GRIP1: variants seen among roughly 807,000 people sequenced by gnomAD.
GRIP1 encodes the protein glutamate receptor interacting protein 1, also known as glutamate receptor-interacting protein 1.
Under a neutral mutation model 129.9 loss-of-function variants are expected in GRIP1, and 45 were observed. The observed-to-expected ratio is 0.35, with a 90% CI of 0.27 to 0.44. The LOEUF (loss-of-function observed/expected upper bound fraction) is 0.44. Ranked by LOEUF, GRIP1 falls within the 20% of genes least tolerant of loss-of-function variation. The pLI is 1.00. For missense variants in GRIP1, 1,196 were observed against 1,396.8 expected, an observed-to-expected ratio of 0.86 and a Z score of 2.29; for synonymous variants, 530 against 520.8, an observed-to-expected ratio of 1.02 and a Z score of -0.24.
intron 23 of GRIP1, among the ~76,000 whole-genome samples, chr12:66,362,819 C>G (rs1419944249): frequency 6.6e-6 from 1 of 151,738 alleles, no homozygotes; most frequent in Non-Finnish European, 1.5e-5. Flanking sequence ...CACTAGCGAG[C>G]CTGCCGCAGA....
chr12:66,398,602 C>A (rs1425386291), intron 16 of GRIP1, among the ~76,000 whole-genome samples: 1 of 151,954 alleles, frequency 6.6e-6, no homozygotes, highest in Admixed American at 6.5e-5. Context: ...CTATGAGACC[C>A]ACAGCTTCTG....
In GRIP1 at chr12:66,517,941, C is replaced by A; in HGVS notation, c.538G>T (p.Val180Phe). ...CCAGGACGAACACATGTTATCACAA[C>A]TGGACGAGATTTATTTCTATCATCA... ...AHDDRNKSRP[V>F]VITCVRPGGP... is the part of the protein sequence containing the mutation. Residue 180 changes from valine to phenylalanine, a missense_variant, in exon 6 of 25, where the codon GTT (valine) becomes TTT (phenylalanine). Transcript: ENST00000359742. The A allele has an allele frequency of 6.3e-7, 1 of 1,599,748 alleles. No homozygotes were observed. The highest frequency in any genetic ancestry group is 8.6e-7 in the Non-Finnish European group (1 of 1,167,102).
At chr12:67,061,883 A>G (rs982195053) in intron 1 of GRIP1, among the ~76,000 whole-genome samples, 1 of 152,004 alleles carries the variant, frequency 6.6e-6, no homozygotes, top group African/African-American at 2.4e-5. Context: ...AAAAAAGGCA[A>G]TATGTGATAG....
chr12:66,799,980 T>TCTAAGG (rs2038811817), intron 1 of GRIP1, among the ~76,000 whole-genome samples: 1 of 152,154 alleles, frequency 6.6e-6, no homozygotes, highest in African/African-American at 2.4e-5. Context: ...GATTTGAATA[T>TCTAAGG]CTAAGGCACT....
intron 1 of GRIP1, among the ~76,000 whole-genome samples, chr12:66,633,302 C>CACACTAT (rs1555220327): frequency 6.9e-6 from 1 of 145,266 alleles, no homozygotes; most frequent in Non-Finnish European, 1.5e-5. Context: ...TACCATACTA[C>CACACTAT]ACTATACTAT....
At chr12:66,821,452 T>C (rs1367209800) in intron 1 of GRIP1, among the ~76,000 whole-genome samples, 1 of 152,252 alleles carries the variant, frequency 6.6e-6, no homozygotes, top group Admixed American at 6.5e-5. Flanking sequence ...ATAATCGTGG[T>C]TTCCCCCTAA....
chr12:66,660,048 A>G (rs986103041), intron 1 of GRIP1, among the ~76,000 whole-genome samples: 2 of 152,232 alleles, frequency 1.3e-5, no homozygotes, highest in African/African-American at 4.8e-5. Flanking sequence ...GAGAAAAACT[A>G]AAGTATCTAC....
At chr12:66,493,271 G>A (rs890025912) in intron 7 of GRIP1, among the ~76,000 whole-genome samples, 1 of 152,094 alleles carries the variant, frequency 6.6e-6, no homozygotes, top group African/African-American at 2.4e-5. Context: ...TTATTAGGGG[G>A]TTCAAATTGA....
chr12:66,458,535 C>T (rs1333216668), intron 9 of GRIP1, among the ~76,000 whole-genome samples: 2 of 152,190 alleles, frequency 1.3e-5, no homozygotes, highest in African/African-American at 4.8e-5. Context: ...TAGGTGCCCA[C>T]CACCACGCCC....
rs943112139 is a variant in GRIP1 at position 66,621,603 on chromosome 12, G to A, written c.56-24676C>T. On this transcript the variant is annotated intron_variant, in intron 1 of 24. Coordinates refer to ENST00000359742, the MANE Select transcript of GRIP1 (RefSeq NM_001366722.1). Reference sequence around the variant, plus strand: ...TGAGTCCCTGCTTTCAATTCTTTGGGGTATATATGTAGGCGTGGAATTGTG... The same window carrying A: ...TGAGTCCCTGCTTTCAATTCTTTGGAGTATATATGTAGGCGTGGAATTGTG... Among the ~76,000 whole-genome samples, 12 of 152,116 alleles carry A rather than the reference G, an allele frequency of 7.9e-5. 1 individual carries two copies. The highest frequency in any genetic ancestry group is 3.4e-3 in the Middle Eastern group (1 of 294).
chr12:66,369,806 C>T (rs150110206), intron 23 of GRIP1, among the ~76,000 whole-genome samples: 12 of 152,192 alleles, frequency 7.9e-5, no homozygotes, highest in Admixed American at 1.3e-4. Context: ...ATGTGGTTTC[C>T]GCAATTTAAT....
intron 1 of GRIP1, among the ~76,000 whole-genome samples, chr12:66,865,265 T>G (rs551865036): frequency 6.6e-6 from 1 of 152,290 alleles, no homozygotes; most frequent in South Asian, 2.1e-4. Context: ...TGGCTGTATA[T>G]TCTTAAGTAT....
intron 1 of GRIP1, among the ~76,000 whole-genome samples, chr12:66,644,861 C>T (rs1016974170): frequency 6.6e-6 from 1 of 152,118 alleles, no homozygotes; most frequent in Non-Finnish European, 1.5e-5. Context: ...AGTCTAAAAT[C>T]AGTAGCAATA....
intron 1 of GRIP1, among the ~76,000 whole-genome samples, chr12:66,715,549 C>A (rs1005553954): frequency 6.7e-6 from 1 of 148,800 alleles, no homozygotes; most frequent in East Asian, 2.0e-4. Flanking sequence ...ACACTGTGGG[C>A]AGGAGCATTT....
chr12:66,956,943 C>T (rs7961104), intron 1 of GRIP1, among the ~76,000 whole-genome samples: 3 of 152,296 alleles, frequency 2.0e-5, no homozygotes, highest in African/African-American at 7.2e-5. Flanking sequence ...ACTCAGTCAA[C>T]ACAGGGTTCA....
intron 1 of GRIP1, among the ~76,000 whole-genome samples, chr12:66,767,572 T>TA (rs35610268): frequency 0.72 from 105,355 of 145,936 alleles, 38,394 homozygotes; most frequent in Middle Eastern, 0.82. Context: ...GTCTCTGTAT[T>TA]AAAAAAAAAA....
intron 1 of GRIP1, among the ~76,000 whole-genome samples, chr12:66,611,088 T>C (rs2064774014): frequency 6.6e-6 from 1 of 152,126 alleles, no homozygotes; most frequent in South Asian, 2.1e-4. Flanking sequence ...ATGAATACAA[T>C]AAGGGTCAGA....
At chr12:66,899,092 T>C (rs1261945991) in intron 1 of GRIP1, among the ~76,000 whole-genome samples, 2 of 152,172 alleles carry the variant, frequency 1.3e-5, no homozygotes, top group Non-Finnish European at 2.9e-5. Context: ...CCTGGGTAAC[T>C]CACTCTAATT....
chr12:66,776,650 T>C (rs924259745), intron 1 of GRIP1, among the ~76,000 whole-genome samples: 1 of 152,204 alleles, frequency 6.6e-6, no homozygotes, highest in African/African-American at 2.4e-5. Flanking sequence ...CGCTGTAAAG[T>C]GCAAATCCAT....
Sources: gnomAD v4.1 joint callset for allele counts (sites outside exome capture counted in the v4.1 genomes callset) on GRCh38, gnomAD v4.1.1 for gene constraint, MANE v1.5 for transcripts, NCBI Gene and HGNC (gene_info 2026-07-23, HGNC 2026-07-21) for gene names.